The following KCNJ5 variants were observed in gnomAD, a reference collection of about 807,000 sequenced individuals.
The protein encoded by KCNJ5 is potassium inwardly rectifying channel subfamily J member 5, also known as G protein-activated inward rectifier potassium channel 4.
In KCNJ5, 12 loss-of-function variants were observed where a neutral mutation model predicts 20.2. The observed-to-expected ratio is 0.59, with a 90% confidence interval of 0.38 to 0.96. The LOEUF is 0.96. Among genes scored for constraint, KCNJ5 ranks in the 40% least tolerant of loss-of-function variants. The pLI is 0.00. For synonymous variants in KCNJ5, 210 were observed against 213.9 expected, an observed-to-expected ratio of 0.98 and a Z score of 0.16; for missense variants, 449 against 557.6, an observed-to-expected ratio of 0.81 and a Z score of 1.96.
chr11:128,900,224 G>A (rs1944252029), intron 1 of KCNJ5: 1 of 152,124 alleles, frequency 6.6e-6, no homozygotes, highest in African/African-American at 2.4e-5. Flanking sequence ...AACTCCCCAA[G>A]CAAAATGCCA....
At position 128,904,514 on chromosome 11, in the gene KCNJ5, G is replaced by T. The variant is rs760504143; in HGVS notation, c.-10-6750G>T. The T allele has an allele frequency of 5.9e-6, 9 of 1,529,668 alleles. No homozygotes were observed. In the African/African-American group the frequency reaches 1.2e-4, roughly 21 times the overall value. 94.8% of individuals were successfully genotyped at this position (1,529,668 alleles called of 1,614,324 possible). A position where few individuals can be genotyped will look rare whatever the true frequency, so the allele number is the denominator to read the frequency against. On this transcript the variant is annotated intron_variant, in intron 1 of 2. Transcript: ENST00000529694. ...CCAGCTGATGGCAGCGTGCGTCCAG[G>T]GCGGAGAGGTCGTGCTACTCAGGTG...
chr11:128,909,526 T>C (rs112113929), intron 1 of KCNJ5, among the ~76,000 whole-genome samples: 5 of 152,330 alleles, frequency 3.3e-5, no homozygotes, highest in African/African-American at 1.2e-4. Flanking sequence ...GGGCTCTGGG[T>C]TATGGAGTTA....
intron 1 of KCNJ5, among the ~76,000 whole-genome samples, chr11:128,897,953 G>A (rs566031048): frequency 6.6e-6 from 1 of 152,244 alleles, no homozygotes; most frequent in East Asian, 1.9e-4. Context: ...AATAAGTTGG[G>A]CATATTTGCA....
At chr11:128,902,644 G>C in intron 1 of KCNJ5, 8 of 1,614,070 alleles carry the variant, frequency 5.0e-6, no homozygotes, top group Non-Finnish European at 6.8e-6. Context: ...TGCAGATTGA[G>C]TTCTCCTCTT....
intron 1 of KCNJ5, among the ~76,000 whole-genome samples, chr11:128,904,884 T>C (rs1460058831): frequency 6.6e-6 from 1 of 152,164 alleles, no homozygotes; most frequent in Non-Finnish European, 1.5e-5. Context: ...AATTCAAAAA[T>C]AGACACAGAC....
intron 1 of KCNJ5, among the ~76,000 whole-genome samples, chr11:128,897,881 C>T (rs529430886): frequency 5.9e-5 from 9 of 152,264 alleles, no homozygotes; most frequent in South Asian, 4.2e-4. Context: ...GCAATTGCTC[C>T]GGCACCATTT....
In KCNJ5 at chr11:128,917,903, A is replaced by C. The variant is rs887288672; in HGVS notation, c.*1172A>C. On this transcript the variant is annotated 3_prime_UTR_variant, in exon 3 of 3. Coordinates refer to ENST00000529694, the MANE Select transcript of KCNJ5 (RefSeq NM_000890.5). ...ACCCCGTCTCTACTGAAAATACAAA[A>C]AATTAGCCAGGCATGGTGGCAGGTG... 2 of 152,360 alleles carry C rather than the reference A, an allele frequency of 1.3e-5. No homozygotes were observed. The highest frequency in any genetic ancestry group is 4.8e-5 in the African/African-American group (2 of 41,370). 9.4% of individuals were successfully genotyped at this position (152,360 alleles called of 1,614,324 possible).
At chr11:128,904,373 A>G (rs559641616) in intron 1 of KCNJ5, 97 of 1,607,230 alleles carry the variant, frequency 6.0e-5, no homozygotes, top group Admixed American at 3.7e-4. Flanking sequence ...TGTACTCCCC[A>G]CCAGACCAGG....
At chr11:128,910,773 T>C (rs1047057394) in intron 1 of KCNJ5, among the ~76,000 whole-genome samples, 1 of 152,192 alleles carries the variant, frequency 6.6e-6, no homozygotes, top group Non-Finnish European at 1.5e-5. Flanking sequence ...GGAGCTTACA[T>C]TCTGATGGTG....
At chr11:128,893,246 A>G (rs1944121313) in intron 1 of KCNJ5, among the ~76,000 whole-genome samples, 1 of 152,218 alleles carries the variant, frequency 6.6e-6, no homozygotes, top group Non-Finnish European at 1.5e-5. Flanking sequence ...GCCTAGAGGC[A>G]TAAGGCCTTC....
At chr11:128,897,560 CAGT>C (rs1323814645) in intron 1 of KCNJ5, among the ~76,000 whole-genome samples, 11 of 152,152 alleles carry the variant, frequency 7.2e-5, no homozygotes, top group Admixed American at 4.6e-4. Context: ...AGTCCTTTGT[CAGT>C]CAGATATGTA....
At chr11:128,910,786 A>G (rs1039751578) in intron 1 of KCNJ5, among the ~76,000 whole-genome samples, 3 of 152,202 alleles carry the variant, frequency 2.0e-5, no homozygotes, top group African/African-American at 4.8e-5. Flanking sequence ...TGATGGTGGG[A>G]GAGAGACTGT....
At chr11:128,896,039 C>A (rs1246976090) in intron 1 of KCNJ5, among the ~76,000 whole-genome samples, 2 of 152,212 alleles carry the variant, frequency 1.3e-5, no homozygotes, top group Non-Finnish European at 2.9e-5. Flanking sequence ...TAGACACTCA[C>A]GCTTGGTCAC....
At chr11:128,908,413 A>G (rs576482043) in intron 1 of KCNJ5, among the ~76,000 whole-genome samples, 1 of 152,328 alleles carries the variant, frequency 6.6e-6, no homozygotes, top group African/African-American at 2.4e-5. Context: ...TTTGTTGGAC[A>G]CTGAGTCAGA....
In KCNJ5 at chr11:128,911,814, T is replaced by A. The variant is rs760018156; in HGVS notation, c.541T>A (p.Phe181Ile). Residue 181 changes from phenylalanine (F) to isoleucine (I), a missense_variant, in exon 2 of 3, where the codon TTC (phenylalanine) becomes ATC (isoleucine). By Grantham distance (21) the Phe-to-Ile change is conservative. Around this residue, in one of 5 missense-constraint regions of KCNJ5, gnomAD observed 203 missense variants for 258.0 expected, o/e 0.79. Coordinates refer to ENST00000529694, the MANE Select transcript of KCNJ5 (RefSeq NM_000890.5). This position sits in a 1 kb window ranked among gnomAD's most constrained non-coding sequence, Gnocchi z 6.3. ...QAILGSIVNA[F>I]MVGCMFVKIS... ...CATCCTGGGCTCCATCGTCAATGCCTTCATGGTGGGGTGCATGTTTGTCAA... is the reference window on the plus strand; with the variant it reads ...CATCCTGGGCTCCATCGTCAATGCCATCATGGTGGGGTGCATGTTTGTCAA... The A allele has an allele frequency of 6.2e-7, 1 of 1,614,186 alleles. No individual in the cohort carries two copies. Among genetic ancestry groups the A allele is most frequent in the South Asian group, 1.1e-5 (1 of 91,080 alleles).
At chr11:128,898,843 AT>A (rs1056610681) in intron 1 of KCNJ5, among the ~76,000 whole-genome samples, 1 of 151,668 alleles carries the variant, frequency 6.6e-6, no homozygotes, top group African/African-American at 2.4e-5. Flanking sequence ...CGCCCAGCTC[AT>A]TTTTTTTGTA....
intron 1 of KCNJ5, chr11:128,902,838 A>C: frequency 1.9e-6 from 2 of 1,059,036 alleles, no homozygotes; most frequent in Non-Finnish European, 2.7e-6. Context: ...CCTCTCTCCG[A>C]CTCCCTAGCC....
intron 1 of KCNJ5, among the ~76,000 whole-genome samples, chr11:128,908,261 T>C (rs555419921): frequency 1.3e-5 from 2 of 152,384 alleles, no homozygotes; most frequent in Admixed American, 1.3e-4. Context: ...TTTATACTTA[T>C]GTTTGTATCA....
In KCNJ5 at chr11:128,921,025, G is replaced by A. The variant is rs1225673757; in HGVS notation, c.*4294G>A. 6.6e-6 allele frequency: 1 copy of A among 152,236 alleles called. No homozygotes were observed. Among genetic ancestry groups the A allele is most frequent in the Non-Finnish European group, 1.5e-5 (1 of 68,046 alleles). The allele number at this position is 152,236 out of a possible 1,614,324, so 9.4% of individuals were successfully genotyped here. A position where few individuals can be genotyped will look rare whatever the true frequency, so the allele number is the denominator to read the frequency against. On this transcript the variant is annotated 3_prime_UTR_variant, in exon 3 of 3. Coordinates refer to ENST00000529694, the MANE Select transcript of KCNJ5 (RefSeq NM_000890.5). ...GAAGCCACTTACTCGGCTCGCCTTG[G>A]TTTTTGCTAACAACGTCTCCTTAAA...
Sources: allele counts gnomAD v4.1 joint callset (sites outside exome capture counted in the v4.1 genomes callset), GRCh38; gene constraint gnomAD v4.1.1; regional missense constraint gnomAD v4.1.1; non-coding constraint Gnocchi (gnomAD v3.1); transcripts MANE v1.5; gene names NCBI Gene and HGNC (gene_info 2026-07-23, HGNC 2026-07-21).